Variants in ARMH3 observed in about 807,000 individuals in gnomAD.
ARMH3 encodes armadillo-like helical domain-containing protein 3.
A neutral mutation model predicts 99.1 loss-of-function variants in ARMH3; 60 were observed. The observed-to-expected ratio is 0.61, with a 90% CI of 0.49 to 0.75. The LOEUF is 0.75. ARMH3 is among the 30% of genes least tolerant of loss of function. ARMH3 has a pLI of 0.00. For synonymous variants in ARMH3, 285 were observed against 292.8 expected, an observed-to-expected ratio of 0.97 and a Z score of 0.27; for missense variants, 679 against 843.1, an observed-to-expected ratio of 0.81 and a Z score of 2.41.
chr10:101,986,059 C>T (rs543166114), intron 19 of ARMH3, among the ~76,000 whole-genome samples: 1 of 152,030 alleles, frequency 6.6e-6, no homozygotes, highest in South Asian at 2.1e-4. Context: ...CACACACACA[C>T]AAACACACAC....
chr10:101,990,024 A>G, intron 19 of ARMH3, among the ~76,000 whole-genome samples: 1 of 152,196 alleles, frequency 6.6e-6, no homozygotes, highest in Non-Finnish European at 1.5e-5. Flanking sequence ...CAGTGTGCCT[A>G]GAAGTGATCA....
chr10:101,956,303 C>T (rs1845033840), intron 22 of ARMH3, among the ~76,000 whole-genome samples: 1 of 152,096 alleles, frequency 6.6e-6, no homozygotes, highest in Admixed American at 6.5e-5. Flanking sequence ...CCCACTCTTT[C>T]ACCTCCTTCT....
intron 23 of ARMH3, among the ~76,000 whole-genome samples, chr10:101,934,403 T>A (rs1185974115): frequency 6.6e-6 from 1 of 152,170 alleles, no homozygotes; most frequent in East Asian, 1.9e-4. Flanking sequence ...CCTAGGTGAA[T>A]AATTAAGAGA....
In ARMH3 at chr10:102,009,359, T is replaced by G; in HGVS notation, c.954+15A>C. 6.2e-7 allele frequency: 1 copy of G among 1,606,570 alleles called. No individual in the cohort carries two copies. Among genetic ancestry groups the G allele is most frequent in the Non-Finnish European group, 8.5e-7 (1 of 1,174,078 alleles). On this transcript the variant is annotated intron_variant, in intron 13 of 25. Transcript: ENST00000370033. Reference sequence around the variant, plus strand: ...TTAGAGAGAAAAAAACACTGGGATTTTTAATGTGACCAACCTGAGCTAATA... The same window carrying G: ...TTAGAGAGAAAAAAACACTGGGATTGTTAATGTGACCAACCTGAGCTAATA...
At chr10:101,972,888 A>G (rs1845832197) in intron 20 of ARMH3, among the ~76,000 whole-genome samples, 1 of 152,212 alleles carries the variant, frequency 6.6e-6, no homozygotes, top group Non-Finnish European at 1.5e-5. Flanking sequence ...TTAGACTGTC[A>G]TGCAATCAGT....
chr10:101,855,669 C>A (rs1490513824), intron 24 of ARMH3, among the ~76,000 whole-genome samples: 2 of 147,908 alleles, frequency 1.4e-5, no homozygotes, highest in Admixed American at 1.4e-4. Context: ...CCTCAGCCTC[C>A]CAAAGTGCTG....
intron 24 of ARMH3, among the ~76,000 whole-genome samples, chr10:101,854,005 C>T (rs868827855): frequency 2.6e-5 from 4 of 152,026 alleles, no homozygotes; most frequent in African/African-American, 4.8e-5. Context: ...CCCAGCTACT[C>T]GGGAGGCTGA....
chr10:101,996,935 C>T (rs1195383219), intron 15 of ARMH3, among the ~76,000 whole-genome samples: 2 of 151,970 alleles, frequency 1.3e-5, no homozygotes, highest in Non-Finnish European at 2.9e-5. Flanking sequence ...TCAGAAAAAT[C>T]CCAAGTAATA....
chr10:101,952,059 C>A (rs1413319696), intron 22 of ARMH3, among the ~76,000 whole-genome samples: 2 of 152,120 alleles, frequency 1.3e-5, no homozygotes, highest in Non-Finnish European at 2.9e-5. Flanking sequence ...TGGAGCTTAA[C>A]CTCCCTGTCC....
chr10:101,850,920 G>A (rs1442414286), intron 24 of ARMH3, among the ~76,000 whole-genome samples: 2 of 152,200 alleles, frequency 1.3e-5, no homozygotes, highest in Non-Finnish European at 2.9e-5. Flanking sequence ...GGCTGTCACA[G>A]TTGCTGAGTA....
At chr10:102,030,184 G>C (rs1019956692) in intron 4 of ARMH3, among the ~76,000 whole-genome samples, 2 of 151,984 alleles carry the variant, frequency 1.3e-5, no homozygotes, top group African/African-American at 4.8e-5. Flanking sequence ...GCCTCCCAAA[G>C]TTCTGGAATT....
intron 23 of ARMH3, chr10:101,913,140 C>T (rs926984519): frequency 6.6e-6 from 1 of 150,872 alleles, no homozygotes; most frequent in African/African-American, 2.4e-5. Flanking sequence ...ACCAGTACTC[C>T]TAGCTAAGCT....
At chr10:102,030,167 T>C (rs1445327261) in intron 4 of ARMH3, among the ~76,000 whole-genome samples, 1 of 152,056 alleles carries the variant, frequency 6.6e-6, no homozygotes, top group Non-Finnish European at 1.5e-5. Context: ...GTGATCCTCC[T>C]GCCTCAGCCT....
At chr10:102,024,384 G>C (rs1453735272) in intron 6 of ARMH3, among the ~76,000 whole-genome samples, 1 of 151,808 alleles carries the variant, frequency 6.6e-6, no homozygotes, top group Non-Finnish European at 1.5e-5. Context: ...GGGAGATGGT[G>C]GTTGCAGTGA....
chr10:101,981,055 G>C (rs1388072384), intron 19 of ARMH3, among the ~76,000 whole-genome samples: 1 of 149,836 alleles, frequency 6.7e-6, no homozygotes, highest in Non-Finnish European at 1.5e-5. Flanking sequence ...ACTAGGGCCT[G>C]TTGGGGGGTT....
Position 101,846,428 on chromosome 10 carries a change from C to T in ARMH3, c.*1100G>A, listed in dbSNP as rs1316949338. 1 of 152,206 alleles carries T rather than the reference C, an allele frequency of 6.6e-6. No individual in the cohort carries two copies. Among genetic ancestry groups the T allele is most frequent in the Non-Finnish European group, 1.5e-5 (1 of 68,070 alleles). The allele number at this position is 152,206 out of a possible 1,614,324, so 9.4% of individuals were successfully genotyped here. ...ACCAGCAAAGTAGGCACCTTGAGGGCTCCAGAAAGCCTGTCAATGTTTATT... is the reference window on the plus strand; with the variant it reads ...ACCAGCAAAGTAGGCACCTTGAGGGTTCCAGAAAGCCTGTCAATGTTTATT... On this transcript the variant is annotated 3_prime_UTR_variant, in exon 26 of 26. Coordinates refer to ENST00000370033, the MANE Select transcript of ARMH3 (RefSeq NM_024541.3).
At chr10:101,985,072 TATATATACAC>T (rs758426539) in intron 19 of ARMH3, among the ~76,000 whole-genome samples, 6,829 of 134,816 alleles carry the variant, frequency 0.051, 178 homozygotes, top group Middle Eastern at 0.099. Flanking sequence ...CATCTAAAAA[TATATATACAC>T]ACACACACAC....
chr10:101,851,279 GAT>G (rs1281774038), intron 24 of ARMH3, among the ~76,000 whole-genome samples: 1 of 152,194 alleles, frequency 6.6e-6, no homozygotes, highest in Non-Finnish European at 1.5e-5. Context: ...CAGCTTGTAA[GAT>G]CATGAATCAA....
At chr10:101,894,346 T>C (rs939141053) in intron 23 of ARMH3, among the ~76,000 whole-genome samples, 4 of 152,210 alleles carry the variant, frequency 2.6e-5, no homozygotes, top group Non-Finnish European at 4.4e-5. Context: ...CTTAGTACTT[T>C]GTACTAGTGA....
Sources: gnomAD v4.1 joint callset for allele counts (sites outside exome capture counted in the v4.1 genomes callset) on GRCh38, gnomAD v4.1.1 for gene constraint, MANE v1.5 for transcripts, NCBI Gene and HGNC (gene_info 2026-07-23, HGNC 2026-07-21) for gene names.